GSDMB: variants seen among roughly 807,000 people sequenced by gnomAD.
GSDMB encodes the protein gasdermin B, also known as gasdermin-B.
GSDMB carries 32 observed loss-of-function variants against 42.9 expected under a neutral mutation model. The observed-to-expected ratio is 0.75, with a 90% CI of 0.56 to 1.00. The LOEUF is 1.00. GSDMB is among the 50% of genes least tolerant of loss of function. The probability of loss-of-function intolerance (pLI) is 0.00; values close to 1 mark genes in which losing one functional copy is unlikely to be tolerated. For missense variants in GSDMB, 468 were observed against 498.5 expected, an observed-to-expected ratio of 0.94 and a Z score of 0.58; for synonymous variants, 175 against 193.7, an observed-to-expected ratio of 0.90 and a Z score of 0.80.
At chr17:39,907,244 G>A (rs775806826) in intron 6 of GSDMB, 3 of 1,298,920 alleles carry the variant, frequency 2.3e-6, no homozygotes, top group Non-Finnish European at 2.9e-6. Context: ...AAAGGGGGCA[G>A]CATACACTCA....
chr17:39,905,897 A>C lies in GSDMB; in HGVS notation c.977T>G (p.Leu326Trp), dbSNP rs1256648133. Residue 326 changes from leucine to tryptophan, a missense_variant, in exon 9 of 11, where the codon TTG becomes TGG. Coordinates refer to ENST00000418519, the MANE Select transcript of GSDMB (RefSeq NM_001165958.2). ...LSSLFNAAGV[L>W]VEARAKAILD... is the part of the protein sequence containing the mutation. The stretch of plus-strand genomic sequence containing the variant: ...AATGGCTTTTGCACGCGCTTCTACC[A>C]AGACCCCAGCAGCATTAAAAAGGCT... 6.2e-7 allele frequency: 1 copy of C among 1,613,994 alleles called. No individual in the cohort carries two copies. Among genetic ancestry groups the C allele is most frequent in the Non-Finnish European group, 8.5e-7 (1 of 1,180,024 alleles).
At chr17:39,914,791 T>C (rs1598279891) in intron 2 of GSDMB, among the ~76,000 whole-genome samples, 1 of 147,326 alleles carries the variant, frequency 6.8e-6, no homozygotes, top group South Asian at 2.1e-4. Context: ...TTAATGTGAA[T>C]AAAGTATGGA....
intron 10 of GSDMB, 72 bp from the exon 11 acceptor site, chr17:39,905,036 A>C: frequency 1.6e-6 from 2 of 1,283,294 alleles, no homozygotes; most frequent in Non-Finnish European, 2.3e-6. Context: ...ATTTGGCCAC[A>C]CTCCTTGCTG....
chr17:39,905,356 T>C, intron 10 of GSDMB, 70 bp downstream of exon 10: 1 of 1,076,132 alleles, frequency 9.3e-7, no homozygotes, highest in Non-Finnish European at 1.4e-6. Context: ...ACCCTGGGAC[T>C]TCTGGGTCCC....
chr17:39,909,025 G>T lies in GSDMB; in HGVS notation c.594C>A (p.Thr198=), dbSNP rs776620820. ...AGCTCAGGACCCGATTTGGGGGGAT[G>T]GTCACTTCCCTTTGGCCCTAGAAAA... ...SYKHKGQREV[T]IPPNRVLSYR... is the part of the protein sequence containing the mutation. Residue 198 remains threonine (T), a synonymous_variant, in exon 5 of 11, where the codon ACC becomes ACA. Transcript: ENST00000418519. 3 of 1,599,532 alleles carry T rather than the reference G, an allele frequency of 1.9e-6. No homozygotes were observed. The highest frequency in any genetic ancestry group is 2.3e-5 in the East Asian group (1 of 43,818).
chr17:39,911,590 G>C (rs1438343354), intron 3 of GSDMB, among the ~76,000 whole-genome samples: 1 of 152,124 alleles, frequency 6.6e-6, no homozygotes, highest in Non-Finnish European at 1.5e-5. Context: ...CTCCATGCAG[G>C]AAACATCCTC....
intron 3 of GSDMB, among the ~76,000 whole-genome samples, chr17:39,910,317 C>G (rs181980511): frequency 1.5e-3 from 221 of 152,234 alleles, no homozygotes; most frequent in African/African-American, 5.1e-3. Context: ...GAGCAAGACT[C>G]CACCTCAAAA....
chr17:39,914,188 CT>C (rs1442149467), intron 2 of GSDMB, among the ~76,000 whole-genome samples: 2 of 152,254 alleles, frequency 1.3e-5, no homozygotes, highest in East Asian at 1.9e-4. Flanking sequence ...GTACGTACCC[CT>C]GATGTGATGT....
At chr17:39,917,792 C>T (rs1380445913) in intron 1 of GSDMB, 1 of 185,972 alleles carries the variant, frequency 5.4e-6, no homozygotes, top group Non-Finnish European at 1.1e-5. Flanking sequence ...AAGCCCGTTT[C>T]GTGGACTCTC....
chr17:39,910,269 AGCCAAGACT>A (rs771077971), intron 3 of GSDMB, among the ~76,000 whole-genome samples: 5 of 152,174 alleles, frequency 3.3e-5, no homozygotes, highest in Non-Finnish European at 5.9e-5. Flanking sequence ...GGTTGCAGTG[AGCCAAGACT>A]GCACCATTGC....
intron 2 of GSDMB, among the ~76,000 whole-genome samples, chr17:39,913,904 T>C (rs2063660433): frequency 6.6e-6 from 1 of 152,216 alleles, no homozygotes; most frequent in Non-Finnish European, 1.5e-5. Flanking sequence ...CAAATCCATT[T>C]TGGAACTGGT....
intron 1 of GSDMB, 30 bp from the exon 2 acceptor site, chr17:39,917,360 G>A (rs773196380): frequency 6.7e-5 from 86 of 1,292,530 alleles, no homozygotes; most frequent in Non-Finnish European, 6.8e-5. Context: ...TTCAGTTTTT[G>A]GGAGGAGGGT....
chr17:39,904,781 AG>A lies in GSDMB; in HGVS notation c.*30del. 6.2e-7 allele frequency: 1 copy of A among 1,606,146 alleles called. No individual in the cohort carries two copies. The highest frequency in any genetic ancestry group is 2.2e-5 in the East Asian group (1 of 44,834). On this transcript the variant is annotated 3_prime_UTR_variant, in exon 11 of 11. Coordinates refer to ENST00000418519, the MANE Select transcript of GSDMB (RefSeq NM_001165958.2). ...GGACAGACTGGTAAAGGGAAAACCC[AG>A]AGGCTTGTGGGGAGAAAGGGCTTTT...
chr17:39,904,644 C>A lies in GSDMB; in HGVS notation c.*168G>T. On this transcript the variant is annotated 3_prime_UTR_variant, in exon 11 of 11. Coordinates refer to ENST00000418519, the MANE Select transcript of GSDMB (RefSeq NM_001165958.2). ...TAATCAGAAGTCCATGTATGAAATC[C>A]AGGCTGGTTTTGGATGTTAACATGG... 1.8e-6 allele frequency: 1 copy of A among 547,782 alleles called. No homozygotes were observed. Among genetic ancestry groups the A allele is most frequent in the Non-Finnish European group, 3.2e-6 (1 of 312,698 alleles). The allele number at this position is 547,782 out of a possible 1,614,324, so 33.9% of individuals were successfully genotyped here. A position where few individuals can be genotyped will look rare whatever the true frequency, so the allele number is the denominator to read the frequency against.
chr17:39,909,911 C>A lies in GSDMB; in HGVS notation c.421G>T (p.Glu141Ter), dbSNP rs751694616. ...ATTGATCGGAATGAAAAGGGTAGTT[C>A]CCTCTTCAGCTTCCTGGAGAGAGTG... is the stretch of plus-strand genomic sequence containing the variant. ...ATLENRKLKR[E>*]LPFSFRSINT... The change falls in exon 4 of 11, where the codon GAA becomes TAA. Residue 141 changes from glutamate (E) to a stop codon, truncating the protein, a stop_gained. Transcript: ENST00000418519. LOFTEE classifies it high-confidence loss of function. 1.6e-5 allele frequency: 26 copies of A among 1,613,332 alleles called. No homozygotes were observed. Among genetic ancestry groups the A allele is most frequent in the East Asian group, 8.9e-5 (4 of 44,882 alleles).
chr17:39,908,328 A>C, intron 5 of GSDMB, 114 bp from the exon 6 acceptor site: 7 of 342,186 alleles, frequency 2.0e-5, no homozygotes, highest in Non-Finnish European at 3.4e-5. Flanking sequence ...TCCAATCAAA[A>C]AAAAAAAAAA....
intron 9 of GSDMB, 47 bp downstream of exon 9, chr17:39,905,800 C>G: frequency 6.2e-7 from 1 of 1,602,670 alleles, no homozygotes; most frequent in Non-Finnish European, 8.5e-7. Flanking sequence ...ACAGGCCTCT[C>G]TGCTCACACT....
chr17:39,916,512 G>C (rs926505314), intron 2 of GSDMB, among the ~76,000 whole-genome samples: 3 of 151,084 alleles, frequency 2.0e-5, no homozygotes, highest in Admixed American at 2.0e-4. Flanking sequence ...GGATGGTCTC[G>C]ATCTCCTGAC....
At chr17:39,906,349 T>A (rs1247897087) in intron 7 of GSDMB, 78 bp from the exon 8 acceptor site, 1 of 1,397,490 alleles carries the variant, frequency 7.2e-7, no homozygotes, top group Non-Finnish European at 9.9e-7. Flanking sequence ...TTTGTCTGAC[T>A]GTCTTCTGGA....
Sources: gnomAD v4.1 joint callset for allele counts (sites outside exome capture counted in the v4.1 genomes callset) on GRCh38, gnomAD v4.1.1 for gene constraint, MANE v1.5 for transcripts, NCBI Gene and HGNC (gene_info 2026-07-23, HGNC 2026-07-21) for gene names.